CNTNAP2: variants seen among roughly 807,000 people sequenced by gnomAD.
CNTNAP2 encodes the protein contactin-associated protein-like 2.
CNTNAP2 carries 98 observed loss-of-function variants against 155.2 expected under a neutral mutation model. The observed-to-expected ratio is 0.63, with a 90% CI of 0.54 to 0.75. The LOEUF (loss-of-function observed/expected upper bound fraction) is 0.75. Among genes scored for constraint, CNTNAP2 ranks in the 30% least tolerant of loss-of-function variants. The pLI is 0.00. For synonymous variants in CNTNAP2, 651 were observed against 631.2 expected (o/e 1.03, Z -0.47); for missense variants, 1,727 against 1,688.1 (o/e 1.02, Z -0.40).
intron 1 of CNTNAP2, among the ~76,000 whole-genome samples, chr7:146,334,291 C>T (rs1454028598): frequency 6.6e-6 from 1 of 152,028 alleles, no homozygotes; most frequent in Non-Finnish European, 1.5e-5. Context: ...ATGAGCTGGG[C>T]GTGGTGGCAG....
At chr7:147,304,456 T>G (rs2116778886) in intron 9 of CNTNAP2, among the ~76,000 whole-genome samples, 1 of 152,236 alleles carries the variant, frequency 6.6e-6, no homozygotes, top group South Asian at 2.1e-4. Flanking sequence ...GAGACAGCAG[T>G]ATGATTTTTA....
intron 11 of CNTNAP2, among the ~76,000 whole-genome samples, chr7:147,523,555 G>A (rs1382372231): frequency 6.6e-6 from 1 of 152,128 alleles, no homozygotes; most frequent in Non-Finnish European, 1.5e-5. Context: ...GATAAGTTCT[G>A]TCTGTTCCTG....
At chr7:147,195,101 G>A (rs1802759155) in intron 8 of CNTNAP2, among the ~76,000 whole-genome samples, 1 of 152,254 alleles carries the variant, frequency 6.6e-6, no homozygotes, top group East Asian at 1.9e-4. Context: ...TTTTGTATAA[G>A]GTGTAAGGAA....
chr7:146,462,027 T>C (rs1408002051), intron 1 of CNTNAP2, among the ~76,000 whole-genome samples: 2 of 152,232 alleles, frequency 1.3e-5, no homozygotes, highest in African/African-American at 4.8e-5. Flanking sequence ...AAATTTTTTC[T>C]TAGAGTTTTT....
intron 8 of CNTNAP2, among the ~76,000 whole-genome samples, chr7:147,173,259 T>C (rs551218163): frequency 5.0e-4 from 76 of 152,184 alleles, no homozygotes; most frequent in African/African-American, 1.8e-3. Context: ...TGTTTAGAAC[T>C]ACCATTTACA....
Position 146,747,331 on chromosome 7 carries a change from C to T in CNTNAP2, c.98-26940C>T, listed in dbSNP as rs575302561. On this transcript the variant is annotated intron_variant, in intron 1 of 23. Transcript: ENST00000361727. ...GACCTAAGAGAGATTAAGGATATGG[C>T]GTAGAATTTAGTCTTCTTACCTGGA... Among the ~76,000 whole-genome samples the T allele has an allele frequency of 2.6e-5, 4 of 152,198 alleles. No homozygotes were observed. The East Asian group carries it at 7.7e-4, about 29-fold the overall frequency.
rs547679237 is a variant in CNTNAP2 at position 148,059,503 on chromosome 7, G to A, written c.2384-58615G>A. The stretch of plus-strand genomic sequence containing the variant: ...CTACTCTGGCTGAGGCAGGAAAATC[G>A]CTTGAACCCGGGAGAGGGAGGTTGC... On this transcript the variant is annotated intron_variant, in intron 15 of 23. Coordinates refer to ENST00000361727, the MANE Select transcript of CNTNAP2 (RefSeq NM_014141.6). Among the ~76,000 whole-genome samples, 33 of 150,936 alleles carry A rather than the reference G, an allele frequency of 2.2e-4. No homozygotes were observed. The South Asian group carries it at 3.3e-3, about 15-fold the overall frequency.
chr7:146,724,859 A>T (rs541719074), intron 1 of CNTNAP2, among the ~76,000 whole-genome samples: 1 of 152,200 alleles, frequency 6.6e-6, no homozygotes, highest in Admixed American at 6.5e-5. Context: ...GTGAGCCACC[A>T]TGCCTGGCCT....
chr7:147,575,135 GT>G (rs1307068715), intron 12 of CNTNAP2, among the ~76,000 whole-genome samples: 1 of 149,474 alleles, frequency 6.7e-6, no homozygotes, highest in Admixed American at 6.7e-5. Flanking sequence ...GTGTGTGTGT[GT>G]GTGTGTGTGT....
In CNTNAP2 at chr7:147,495,941, G is replaced by A. The variant is rs538085679; in HGVS notation, c.1777+9900G>A. On this transcript the variant is annotated intron_variant, in intron 11 of 23. Transcript: ENST00000361727. Reference sequence around the variant, plus strand: ...TGAGCTCCACTTCCTGTCAGATCACGGGCAGCATCAGATTCTCAGAGGAGC... The same window carrying A: ...TGAGCTCCACTTCCTGTCAGATCACAGGCAGCATCAGATTCTCAGAGGAGC... Among the ~76,000 whole-genome samples the A allele has an allele frequency of 5.8e-4, 88 of 152,130 alleles. No homozygotes were observed. In the South Asian group the frequency reaches 0.018, roughly 31 times the overall value.
At chr7:146,497,105 G>A (rs1052535417) in intron 1 of CNTNAP2, among the ~76,000 whole-genome samples, 13 of 152,128 alleles carry the variant, frequency 8.5e-5, no homozygotes, top group African/African-American at 2.4e-4. Flanking sequence ...AGTGAACAAC[G>A]TGTCAGTCTC....
chr7:146,314,812 G>A (rs879750672), intron 1 of CNTNAP2, among the ~76,000 whole-genome samples: 5 of 152,090 alleles, frequency 3.3e-5, no homozygotes, highest in African/African-American at 9.7e-5. Context: ...TTCAGAAGAC[G>A]CCCTCCCTCA....
At chr7:147,083,861 A>G (rs1012657077) in intron 4 of CNTNAP2, among the ~76,000 whole-genome samples, 2 of 140,660 alleles carry the variant, frequency 1.4e-5, no homozygotes, top group African/African-American at 5.2e-5. Flanking sequence ...ACATATACAC[A>G]TGTATGTACA....
intron 3 of CNTNAP2, among the ~76,000 whole-genome samples, chr7:146,902,699 T>C (rs896260996): frequency 6.6e-6 from 1 of 152,212 alleles, no homozygotes; most frequent in Admixed American, 6.5e-5. Context: ...ACCTAGTCTC[T>C]TCTGGTTAAC....
chr7:146,465,364 A>G (rs927427836), intron 1 of CNTNAP2, among the ~76,000 whole-genome samples: 1 of 152,158 alleles, frequency 6.6e-6, no homozygotes, highest in Non-Finnish European at 1.5e-5. Flanking sequence ...ATTAAGGTGC[A>G]AGTCTGCAGC....
rs142983485 is a variant in CNTNAP2, at chr7:147,781,141, A to G, written c.2099-122424A>G. ...GCAAAAAGGAAATAATGAAAATGAC[A>G]TATTTTTATATTTCTGTATGGCAGT... On this transcript the variant is annotated intron_variant, in intron 13 of 23. Transcript: ENST00000361727. Among the ~76,000 whole-genome samples the G allele has an allele frequency of 1.2e-3, 183 of 152,310 alleles. 2 individuals carry two copies. Among genetic ancestry groups the G allele is most frequent in the Non-Finnish European group, 7.1e-4 (48 of 68,026 alleles).
At chr7:146,604,960 A>G (rs2129152667) in intron 1 of CNTNAP2, among the ~76,000 whole-genome samples, 1 of 136,480 alleles carries the variant, frequency 7.3e-6, no homozygotes, top group South Asian at 2.7e-4. Context: ...GCATTGGGAG[A>G]TATACCTAAT....
intron 8 of CNTNAP2, among the ~76,000 whole-genome samples, chr7:147,137,713 G>T (rs969947122): frequency 3.3e-5 from 5 of 151,870 alleles, no homozygotes; most frequent in African/African-American, 1.2e-4. Flanking sequence ...ATCAGGTGCA[G>T]AAATTTGGAG....
intron 1 of CNTNAP2, among the ~76,000 whole-genome samples, chr7:146,721,799 GAC>G (rs1801331587): frequency 1.2e-5 from 1 of 82,712 alleles, no homozygotes; most frequent in African/African-American, 5.8e-5. Flanking sequence ...TACATATATA[GAC>G]TATATATAGT....
Sources: gnomAD v4.1 joint callset for allele counts (sites outside exome capture counted in the v4.1 genomes callset) on GRCh38, gnomAD v4.1.1 for gene constraint, MANE v1.5 for transcripts, NCBI Gene and HGNC (gene_info 2026-07-23, HGNC 2026-07-21) for gene names.